Variants in PCDHGA2 observed in about 807,000 individuals in gnomAD.
The protein encoded by PCDHGA2 is protocadherin gamma-A2.
PCDHGA2 carries 40 observed loss-of-function variants against 59.2 expected under a neutral mutation model. The observed-to-expected ratio is 0.68, with a 90% CI of 0.52 to 0.88. The LOEUF is 0.88. Ranked by LOEUF, PCDHGA2 falls within the 40% of genes least tolerant of loss-of-function variation. The pLI, the probability that PCDHGA2 is intolerant of heterozygous loss-of-function variation, is 0.00. For synonymous variants in PCDHGA2, 560 were observed against 526.0 expected (o/e 1.06, Z -0.89); for missense variants, 1,226 against 1,204.0 (o/e 1.02, Z -0.27).
chr5:141,362,348 G>A (rs761668802), intron 1 of PCDHGA2: 18 of 1,613,904 alleles, frequency 1.1e-5, no homozygotes, highest in Admixed American at 1.7e-5. Context: ...CCTGGACCTG[G>A]GGTTCTCCCC....
At chr5:141,505,239 G>A (rs2099844708) in intron 2 of PCDHGA2, 154 bp from the exon 3 acceptor site, 1 of 886,092 alleles carries the variant, frequency 1.1e-6, no homozygotes, top group Middle Eastern at 5.9e-4. Context: ...GCTTCTGAAG[G>A]ATTGTAGAAG....
chr5:141,385,160 C>T lies in PCDHGA2; in HGVS notation c.2424+43765C>T, dbSNP rs765072883. 6.2e-6 allele frequency: 10 copies of T among 1,614,096 alleles called. No individual in the cohort carries two copies. The East Asian group carries it at 2.0e-4, about 32-fold the overall frequency. On this transcript the variant is annotated intron_variant, in intron 1 of 3. Coordinates refer to ENST00000394576, the MANE Select transcript of PCDHGA2 (RefSeq NM_018915.4). ...GTGCAGGCTTTCCTGCAGACCTATT[C>T]CCATGAGGTCTCCCTCACCGCGGAC...
intron 1 of PCDHGA2, chr5:141,409,464 C>G (rs1185218827): frequency 1.9e-6 from 3 of 1,613,940 alleles, no homozygotes; most frequent in Non-Finnish European, 1.7e-6. Context: ...TACAATGTCA[C>G]CATCGTAGCC....
chr5:141,413,343 G>A, intron 1 of PCDHGA2: 12 of 1,613,994 alleles, frequency 7.4e-6, no homozygotes, highest in Non-Finnish European at 1.0e-5. Context: ...CCAAGGACTT[G>A]GGTCTGGCGC....
chr5:141,421,709 C>T, intron 1 of PCDHGA2: 1 of 1,613,926 alleles, frequency 6.2e-7, no homozygotes, highest in Non-Finnish European at 8.5e-7. Flanking sequence ...GCTAGGGATC[C>T]AGATGTGGGC....
intron 3 of PCDHGA2, among the ~76,000 whole-genome samples, chr5:141,506,402 G>C (rs1032556978): frequency 7.0e-6 from 1 of 143,732 alleles, no homozygotes; most frequent in African/African-American, 2.6e-5. Context: ...GCAGAAAATC[G>C]CACCACTGCA....
intron 1 of PCDHGA2, chr5:141,357,273 C>T (rs111314276): frequency 6.2e-7 from 1 of 1,613,852 alleles, no homozygotes. Context: ...GCCTCACACT[C>T]TATCTCGTGG....
intron 1 of PCDHGA2, chr5:141,357,637 A>G: frequency 6.2e-7 from 1 of 1,612,586 alleles, no homozygotes; most frequent in Non-Finnish European, 8.5e-7. Flanking sequence ...TCAATCTTAT[A>G]ATAGATCATA....
At chr5:141,439,029 G>A (rs2098083069) in intron 1 of PCDHGA2, among the ~76,000 whole-genome samples, 1 of 151,510 alleles carries the variant, frequency 6.6e-6, no homozygotes, top group Non-Finnish European at 1.5e-5. Flanking sequence ...GAAAATAGAT[G>A]CCTCAGTTCA....
intron 2 of PCDHGA2, among the ~76,000 whole-genome samples, chr5:141,498,710 T>C (rs2099785302): frequency 1.3e-5 from 2 of 152,108 alleles, no homozygotes. Flanking sequence ...GGTGGGTGGA[T>C]CACCTGAGGT....
chr5:141,346,448 C>T (rs1381450357), intron 1 of PCDHGA2: 1 of 1,614,228 alleles, frequency 6.2e-7, no homozygotes, highest in East Asian at 2.2e-5. Flanking sequence ...GAGATTCCAA[C>T]CTACTTCAGG....
At chr5:141,393,503 G>C (rs2092782893) in intron 1 of PCDHGA2, 1 of 1,614,028 alleles carries the variant, frequency 6.2e-7, no homozygotes, top group Non-Finnish European at 8.5e-7. Flanking sequence ...GCATCCACGT[G>C]ACAGTGTTGG....
At chr5:141,455,185 T>C (rs1334330699) in intron 1 of PCDHGA2, among the ~76,000 whole-genome samples, 1 of 152,064 alleles carries the variant, frequency 6.6e-6, no homozygotes, top group Admixed American at 6.6e-5. Flanking sequence ...TTTTTATTTC[T>C]CTACAAATTT....
chr5:141,421,916 G>T (rs754653877), intron 1 of PCDHGA2: 1 of 1,613,528 alleles, frequency 6.2e-7, no homozygotes. Flanking sequence ...GTTCCCATTC[G>T]TGTGGTGGTC....
chr5:141,502,402 A>T (rs1317862793), intron 2 of PCDHGA2, among the ~76,000 whole-genome samples: 1 of 151,976 alleles, frequency 6.6e-6, no homozygotes, highest in Admixed American at 6.6e-5. Flanking sequence ...AATGTCCCCG[A>T]ACCTGGATTT....
chr5:141,409,293 T>G, intron 1 of PCDHGA2: 1 of 1,613,992 alleles, frequency 6.2e-7, no homozygotes, highest in Non-Finnish European at 8.5e-7. Flanking sequence ...CCTCCAGGAA[T>G]GGTTGTTGCC....
chr5:141,420,036 G>C, intron 1 of PCDHGA2: 1 of 1,614,078 alleles, frequency 6.2e-7, no homozygotes. Context: ...GCAGGAGACT[G>C]CTTTGAGTCA....
chr5:141,362,197 C>T lies in PCDHGA2; in HGVS notation c.2424+20802C>T, dbSNP rs777116647. The T allele has an allele frequency of 8.7e-6, 14 of 1,614,082 alleles. No homozygotes were observed. The South Asian group carries it at 1.4e-4, about 16-fold the overall frequency. ...GGAGCCCTCTGACCCCCAGGCAAAA[C>T]TGCAGTTTTACCTGGTTGTGGCCTT... On this transcript the variant is annotated intron_variant, in intron 1 of 3. Transcript: ENST00000394576.
At chr5:141,394,311 C>G in intron 1 of PCDHGA2, 3 of 1,613,986 alleles carry the variant, frequency 1.9e-6, no homozygotes, top group Non-Finnish European at 1.7e-6. Context: ...GCAGGGGGCG[C>G]CCCTGTCCTC....
Sources: allele counts gnomAD v4.1 joint callset (sites outside exome capture counted in the v4.1 genomes callset), GRCh38; gene constraint gnomAD v4.1.1; transcripts MANE v1.5; gene names NCBI Gene and HGNC (gene_info 2026-07-23, HGNC 2026-07-21).